TENT2: variants seen among roughly 807,000 people sequenced by gnomAD.
The protein encoded by TENT2 is poly(A) RNA polymerase GLD2.
TENT2 carries 44 observed loss-of-function variants against 72.2 expected under a neutral mutation model. The ratio of observed to expected loss-of-function variants is 0.61; its 90% CI spans 0.48 to 0.78. The LOEUF (loss-of-function observed/expected upper bound fraction) is 0.78, where lower values mean the gene tolerates loss of function less well. Ranked by LOEUF, TENT2 falls within the 30% of genes least tolerant of loss-of-function variation. TENT2 has a pLI of 0.00. For synonymous variants in TENT2, 212 were observed against 192.5 expected (o/e 1.10, Z -0.84); for missense variants, 541 against 569.6 (o/e 0.95, Z 0.51).
In TENT2 at chr5:79,620,021, G is replaced by C. The variant is rs771497404; in HGVS notation, c.165G>C (p.Gln55His). Residue 55 changes from glutamine to histidine, a missense_variant, in exon 3 of 15, where the codon CAG becomes CAC. Transcript: ENST00000453514. ...ADLSRAVSLQ[Q>H]LTYGNVSPIQ... ...TGTCTAGAGCTGTGTCATTACAGCA[G>C]CTGACATATGGAAATGTCAGTCCAA... is the stretch of plus-strand genomic sequence containing the variant. The C allele has an allele frequency of 1.9e-5, 30 of 1,611,280 alleles. 1 individual carries two copies. The South Asian group carries it at 3.3e-4, about 18-fold the overall frequency.
intron 4 of TENT2, among the ~76,000 whole-genome samples, chr5:79,629,623 C>T (rs1055224565): frequency 1.4e-5 from 2 of 147,582 alleles, no homozygotes; most frequent in Non-Finnish European, 3.0e-5. Flanking sequence ...GTCAGGAGAT[C>T]GAGACCATCC....
chr5:79,619,867 T>C, intron 2 of TENT2, 82 bp downstream of exon 2: 1 of 1,520,288 alleles, frequency 6.6e-7, no homozygotes, highest in Non-Finnish European at 8.9e-7. Flanking sequence ...ATGAAACTTT[T>C]GAACATGGAG....
chr5:79,665,547 A>T (rs113224143), intron 11 of TENT2, among the ~76,000 whole-genome samples: 1 of 152,168 alleles, frequency 6.6e-6, no homozygotes. Flanking sequence ...GGGATTTTCT[A>T]TTTAATTTTT....
intron 7 of TENT2, chr5:79,644,531 A>G (rs1787203549): frequency 6.6e-6 from 1 of 152,098 alleles, no homozygotes; most frequent in Non-Finnish European, 1.5e-5. Context: ...TATATGTTGT[A>G]TATGATATAT....
chr5:79,679,189 C>G (rs1195916739), intron 12 of TENT2, among the ~76,000 whole-genome samples: 1 of 152,052 alleles, frequency 6.6e-6, no homozygotes, highest in Non-Finnish European at 1.5e-5. Context: ...CAGGAGTGAG[C>G]CTCTGCGCCC....
At chr5:79,670,297 A>G (rs1046457788) in intron 12 of TENT2, among the ~76,000 whole-genome samples, 1 of 151,728 alleles carries the variant, frequency 6.6e-6, no homozygotes, top group Non-Finnish European at 1.5e-5. Context: ...GGAGAAGTAT[A>G]AAAAGGTAAG....
intron 3 of TENT2, among the ~76,000 whole-genome samples, chr5:79,621,558 A>T (rs183010434): frequency 2.4e-4 from 37 of 152,114 alleles, no homozygotes; most frequent in African/African-American, 8.4e-4. Flanking sequence ...GGAGATCGAG[A>T]CCATCCTGGC....
chr5:79,631,620 A>C (rs559117839), intron 4 of TENT2, among the ~76,000 whole-genome samples: 1 of 152,354 alleles, frequency 6.6e-6, no homozygotes, highest in Admixed American at 6.5e-5. Context: ...AAGATTATAC[A>C]CAACTGTTTT....
chr5:79,621,859 A>G (rs1013932971), intron 3 of TENT2, among the ~76,000 whole-genome samples: 10 of 152,192 alleles, frequency 6.6e-5, no homozygotes, highest in Admixed American at 6.5e-4. Context: ...TTCAGCATAT[A>G]TAGCTCTAAA....
chr5:79,655,355 G>T (rs868850403), intron 10 of TENT2, among the ~76,000 whole-genome samples: 2 of 152,166 alleles, frequency 1.3e-5, no homozygotes, highest in African/African-American at 4.8e-5. Context: ...TCCTCAACCA[G>T]TGGCTAGTAT....
chr5:79,631,325 T>C (rs1310625254), intron 4 of TENT2, among the ~76,000 whole-genome samples: 1 of 152,178 alleles, frequency 6.6e-6, no homozygotes, highest in African/African-American at 2.4e-5. Flanking sequence ...TGAGACAGAA[T>C]AGAATGGAAG....
chr5:79,685,297 T>G lies in TENT2; in HGVS notation c.*24T>G, dbSNP rs1193775350. 16 of 1,504,838 alleles carry G rather than the reference T, an allele frequency of 1.1e-5. No individual in the cohort carries two copies. The highest frequency in any genetic ancestry group is 1.4e-5 in the Non-Finnish European group (16 of 1,105,622). 93.2% of individuals were successfully genotyped at this position (1,504,838 alleles called of 1,614,324 possible). A position where few individuals can be genotyped will look rare whatever the true frequency, so the allele number is the denominator to read the frequency against. On this transcript the variant is annotated 3_prime_UTR_variant, in exon 15 of 15. Coordinates refer to ENST00000453514, the MANE Select transcript of TENT2 (RefSeq NM_001114394.3). The stretch of plus-strand genomic sequence containing the variant: ...AACTGGCCTCTATTTCTTAATAAAT[T>G]CTTCCAAGAAATAAAGAACAATAGT...
intron 3 of TENT2, among the ~76,000 whole-genome samples, chr5:79,622,356 A>G (rs1376010973): frequency 1.3e-5 from 2 of 152,102 alleles, no homozygotes; most frequent in Non-Finnish European, 2.9e-5. Flanking sequence ...GAATCGGGCC[A>G]TTTTCTGTGG....
At chr5:79,679,528 TAA>T (rs767524457) in intron 12 of TENT2, 49 bp from the exon 13 acceptor site, 4 of 1,343,426 alleles carry the variant, frequency 3.0e-6, no homozygotes, top group Admixed American at 4.2e-5. Flanking sequence ...AAAAATAATA[TAA>T]GAGAAATTAT....
chr5:79,651,606 A>AT (rs753243295), intron 10 of TENT2, among the ~76,000 whole-genome samples: 69 of 151,846 alleles, frequency 4.5e-4, no homozygotes, highest in Middle Eastern at 3.4e-3. Context: ...ACACATTTTG[A>AT]TTTTTTTTGT....
intron 13 of TENT2, among the ~76,000 whole-genome samples, chr5:79,681,150 ATTTTTTTTTTTTTTT>A (rs1158559796): frequency 2.2e-5 from 1 of 44,740 alleles, no homozygotes; most frequent in Non-Finnish European, 4.2e-5. Context: ...CTTTTCTTTG[ATTTTTTTTTTTTTTT>A]TTTTTTTTTT....
rs1756341611 is a variant in TENT2 at position 79,612,950 on chromosome 5, G to A, written c.-163G>A. 1 of 152,174 alleles carries A rather than the reference G, an allele frequency of 6.6e-6. No homozygotes were observed. The allele number at this position is 152,174 out of a possible 1,614,324, so 9.4% of individuals were successfully genotyped here. The stretch of plus-strand genomic sequence containing the variant: ...TGCTGTACATTTTGAAGAATCTTAG[G>A]ACCGCTTACTTTGCTTACTCGTTTT... On this transcript the variant is annotated 5_prime_UTR_variant, in exon 1 of 15. Transcript: ENST00000453514.
At chr5:79,681,959 T>C (rs1476481352) in intron 13 of TENT2, 23 bp from the exon 14 acceptor site, 5 of 1,589,440 alleles carry the variant, frequency 3.1e-6, no homozygotes, top group Non-Finnish European at 3.4e-6. Flanking sequence ...ATTTTTCCTT[T>C]ACATTTGCAT....
intron 1 of TENT2, among the ~76,000 whole-genome samples, chr5:79,617,064 C>T (rs1007041614): frequency 6.6e-6 from 1 of 151,770 alleles, no homozygotes; most frequent in African/African-American, 2.4e-5. Flanking sequence ...GTCACAATCC[C>T]CAGAGGCAGC....
Sources: allele counts gnomAD v4.1 joint callset (sites outside exome capture counted in the v4.1 genomes callset), GRCh38; gene constraint gnomAD v4.1.1; transcripts MANE v1.5; gene names NCBI Gene and HGNC (gene_info 2026-07-23, HGNC 2026-07-21).